SOX6: variants seen among roughly 807,000 people sequenced by gnomAD.
SOX6 encodes the protein transcription factor SOX-6.
In SOX6, 11 loss-of-function variants were observed where a neutral mutation model predicts 97.8. The observed-to-expected ratio is 0.11, with a 90% CI of 0.07 to 0.19. The LOEUF is 0.19. Among genes scored for constraint, SOX6 ranks in the 10% least tolerant of loss-of-function variants. The probability of loss-of-function intolerance (pLI) is 1.00; values close to 1 mark genes in which losing one functional copy is unlikely to be tolerated. For synonymous variants in SOX6, 360 were observed against 371.4 expected (o/e 0.97, Z 0.35); for missense variants, 810 against 1,039.5 (o/e 0.78, Z 3.04).
At chr11:16,044,876 T>A (rs1332224521) in intron 12 of SOX6, among the ~76,000 whole-genome samples, 1 of 152,088 alleles carries the variant, frequency 6.6e-6, no homozygotes, top group Non-Finnish European at 1.5e-5. Context: ...TTGAAACAAT[T>A]TTGCAGCTTA....
At position 16,044,352 on chromosome 11, in the gene SOX6, T is replaced by C. The variant is rs568455016; in HGVS notation, c.1623+2162A>G. Among the ~76,000 whole-genome samples the C allele has an allele frequency of 5.9e-5, 9 of 152,312 alleles. No individual in the cohort carries two copies. The South Asian group carries it at 6.2e-4, about 11-fold the overall frequency. On this transcript the variant is annotated intron_variant, in intron 12 of 15. Transcript: ENST00000683767. ...ACAAAGAACAAATTCATAAATCTAA[T>C]GGATAGATCTTATATTTAAGGAAAC...
intron 4 of SOX6, among the ~76,000 whole-genome samples, chr11:16,533,914 A>G (rs1861272467): frequency 1.3e-5 from 2 of 152,150 alleles, no homozygotes. Flanking sequence ...TTGAAAACAA[A>G]TAACACTACA....
intron 3 of SOX6, among the ~76,000 whole-genome samples, chr11:16,655,083 A>G (rs1380220902): frequency 6.6e-6 from 1 of 152,202 alleles, no homozygotes. Context: ...GAATATAGGA[A>G]TTGAGTGAAG....
At chr11:16,284,091 A>G (rs974581153) in intron 3 of SOX6, among the ~76,000 whole-genome samples, 3 of 152,224 alleles carry the variant, frequency 2.0e-5, no homozygotes, top group African/African-American at 7.2e-5. Context: ...GTTAACTCCA[A>G]TCACCTAAGA....
At chr11:16,678,350 ATT>A (rs1847900721) in intron 3 of SOX6, among the ~76,000 whole-genome samples, 1 of 152,078 alleles carries the variant, frequency 6.6e-6, no homozygotes, top group South Asian at 2.1e-4. Flanking sequence ...TTATGTTTTC[ATT>A]TTCTTTCCAT....
intron 3 of SOX6, among the ~76,000 whole-genome samples, chr11:16,665,830 C>T (rs1847803364): frequency 6.6e-6 from 1 of 152,158 alleles, no homozygotes. Context: ...CAAATCCAAG[C>T]AGCTCATCAC....
chr11:16,257,314 A>G (rs1241373078), intron 3 of SOX6, among the ~76,000 whole-genome samples: 1 of 151,924 alleles, frequency 6.6e-6, no homozygotes, highest in Non-Finnish European at 1.5e-5. Context: ...AAGACTCAAT[A>G]TAAAGCTACA....
chr11:16,329,138 T>C lies in SOX6; in HGVS notation c.238-10485A>G, dbSNP rs372162600. On this transcript the variant is annotated intron_variant, in intron 2 of 15. Transcript: ENST00000683767. The stretch of plus-strand genomic sequence containing the variant: ...AATTATTCATAGATGTGTCAGAAAA[T>C]AGATTTGTTACCAATATTTGCTAAA... 4.4e-4 allele frequency among the ~76,000 whole-genome samples: 67 copies of C among 152,220 alleles called. No homozygotes were observed. In the South Asian group the frequency reaches 0.013, roughly 30 times the overall value.
chr11:16,566,503 G>A (rs1489941752), intron 4 of SOX6, among the ~76,000 whole-genome samples: 1 of 152,162 alleles, frequency 6.6e-6, no homozygotes, highest in Admixed American at 6.5e-5. Flanking sequence ...CCTGCTAAGG[G>A]AAAAGAAATA....
chr11:16,070,453 A>G (rs961966946), intron 9 of SOX6, among the ~76,000 whole-genome samples: 6 of 152,182 alleles, frequency 3.9e-5, no homozygotes, highest in Non-Finnish European at 8.8e-5. Flanking sequence ...TCATTCTTGA[A>G]TTGCACCAAT....
At chr11:16,635,163 A>G (rs1317336306) in intron 3 of SOX6, among the ~76,000 whole-genome samples, 1 of 152,216 alleles carries the variant, frequency 6.6e-6, no homozygotes, top group Admixed American at 6.5e-5. Context: ...AGATACTCAA[A>G]AACGTGGAAG....
chr11:16,499,522 C>T (rs1191143512), intron 4 of SOX6, among the ~76,000 whole-genome samples: 4 of 152,116 alleles, frequency 2.6e-5, no homozygotes, highest in South Asian at 2.1e-4. Context: ...AATCCAGGAG[C>T]TGGTTTTTTG....
At chr11:16,441,921 T>C (rs1353255866) in intron 1 of SOX6, among the ~76,000 whole-genome samples, 1 of 152,196 alleles carries the variant, frequency 6.6e-6, no homozygotes. Context: ...ATGACTGTCG[T>C]GAAACTGAGC....
At chr11:16,541,578 A>T (rs1423190954) in intron 4 of SOX6, among the ~76,000 whole-genome samples, 5 of 152,144 alleles carry the variant, frequency 3.3e-5, no homozygotes, top group Non-Finnish European at 7.4e-5. Context: ...CTGACAAAGG[A>T]CTAATATCCA....
intron 3 of SOX6, among the ~76,000 whole-genome samples, chr11:16,674,235 TACC>T (rs1242430379): frequency 6.7e-6 from 1 of 148,338 alleles, no homozygotes; most frequent in East Asian, 2.0e-4. Context: ...AAGTGGGATT[TACC>T]ACGAGGATGC....
intron 3 of SOX6, among the ~76,000 whole-genome samples, chr11:16,619,531 T>C (rs1312927130): frequency 6.6e-6 from 1 of 152,070 alleles, no homozygotes; most frequent in East Asian, 1.9e-4. Context: ...AAGTATAGTC[T>C]AATAAATGAC....
Position 16,441,828 on chromosome 11 carries a change from C to G in SOX6, c.-5+34487G>C, listed in dbSNP as rs1427226538. The stretch of plus-strand genomic sequence containing the variant: ...TCATAAATGTTAAGATTACTCACAG[C>G]TCCAGAAACACGCCGGTATTTTATC... On this transcript the variant is annotated intron_variant, in intron 1 of 15. Coordinates refer to the SOX6 transcript ENST00000396356. Among the ~76,000 whole-genome samples the G allele has an allele frequency of 2.6e-5, 4 of 152,150 alleles. No individual in the cohort carries two copies. The East Asian group carries it at 7.7e-4, about 29-fold the overall frequency.
At chr11:16,115,485 A>G (rs1029094187) in intron 6 of SOX6, among the ~76,000 whole-genome samples, 5 of 152,194 alleles carry the variant, frequency 3.3e-5, no homozygotes, top group Non-Finnish European at 5.9e-5. Context: ...TCTTTGAATC[A>G]GTAGATCTGA....
intron 7 of SOX6, among the ~76,000 whole-genome samples, chr11:16,106,407 T>C (rs939400388): frequency 1.3e-5 from 2 of 151,862 alleles, no homozygotes; most frequent in African/African-American, 4.8e-5. Flanking sequence ...TTAAATATAA[T>C]AGAAAGCTCA....
Sources: gnomAD v4.1 joint callset for allele counts (sites outside exome capture counted in the v4.1 genomes callset) on GRCh38, gnomAD v4.1.1 for gene constraint, MANE v1.5 for transcripts, NCBI Gene and HGNC (gene_info 2026-07-23, HGNC 2026-07-21) for gene names.